The following KIAA0753 variants were observed in gnomAD, a reference collection of about 807,000 sequenced individuals.
KIAA0753 encodes the protein protein moonraker.
A neutral mutation model predicts 116.9 loss-of-function variants in KIAA0753; 114 were observed. That is an observed-to-expected ratio of 0.98 (90% CI 0.84 to 1.14). The LOEUF (loss-of-function observed/expected upper bound fraction) is 1.14, where lower values mean the gene tolerates loss of function less well. Among genes scored for constraint, KIAA0753 ranks in the 50% most tolerant of loss-of-function variants. KIAA0753 has a pLI of 0.00. For missense variants in KIAA0753, 1,156 were observed against 1,172.4 expected, an observed-to-expected ratio of 0.99 and a Z score of 0.20; for synonymous variants, 405 against 413.1, an observed-to-expected ratio of 0.98 and a Z score of 0.24.
rs143166475 is a variant in KIAA0753, at chr17:6,631,728, G to C, written c.94-2987C>G. Among the ~76,000 whole-genome samples, 67 of 152,230 alleles carry C rather than the reference G, an allele frequency of 4.4e-4. No individual in the cohort carries two copies. In the East Asian group the frequency reaches 9.8e-3, roughly 22 times the overall value. On this transcript the variant is annotated intron_variant, in intron 2 of 18. Transcript: ENST00000361413. ...TATTTCCTAGTTCTGTCCTCTGAGA[G>C]GGCCTAAAACAATGACATGATAGTA...
intron 7 of KIAA0753, among the ~76,000 whole-genome samples, chr17:6,618,097 G>A (rs573232781): frequency 7.6e-4 from 115 of 151,596 alleles, no homozygotes; most frequent in African/African-American, 2.5e-3. Context: ...AGCGAGACTC[G>A]GTCTCAAAAA....
At chr17:6,598,227 A>G (rs1031251441) in intron 14 of KIAA0753, among the ~76,000 whole-genome samples, 4 of 151,644 alleles carry the variant, frequency 2.6e-5, no homozygotes, top group African/African-American at 4.8e-5. Flanking sequence ...ATTCCTCTAG[A>G]AAAAAAAATA....
chr17:6,604,041 G>C (rs905972723), intron 12 of KIAA0753, among the ~76,000 whole-genome samples: 1 of 152,134 alleles, frequency 6.6e-6, no homozygotes, highest in African/African-American at 2.4e-5. Context: ...CTGCTGGTGG[G>C]AACAGACAGA....
intron 2 of KIAA0753, among the ~76,000 whole-genome samples, chr17:6,629,722 T>G (rs1007702604): frequency 6.6e-6 from 1 of 152,216 alleles, no homozygotes; most frequent in Non-Finnish European, 1.5e-5. Context: ...CCTCCCCTGC[T>G]CTCACAATCA....
chr17:6,581,667 T>C (rs186681802), intron 18 of KIAA0753, among the ~76,000 whole-genome samples: 10 of 152,362 alleles, frequency 6.6e-5, no homozygotes, highest in African/African-American at 2.4e-4. Context: ...CTTTCCCTTG[T>C]CTTTTACTTA....
At chr17:6,626,573 C>T (rs1024300890) in intron 3 of KIAA0753, among the ~76,000 whole-genome samples, 14 of 151,882 alleles carry the variant, frequency 9.2e-5, no homozygotes, top group Non-Finnish European at 1.2e-4. Flanking sequence ...TCCCATGCAG[C>T]GCCTGCAGCT....
intron 5 of KIAA0753, 124 bp downstream of exon 5, chr17:6,623,385 T>G: frequency 1.3e-6 from 1 of 774,324 alleles, no homozygotes; most frequent in Non-Finnish European, 2.1e-6. Flanking sequence ...GCTCACTCCC[T>G]CACTAACAGG....
intron 18 of KIAA0753, among the ~76,000 whole-genome samples, chr17:6,587,773 G>C (rs138539013): frequency 3.3e-5 from 5 of 152,174 alleles, no homozygotes; most frequent in African/African-American, 7.2e-5. Flanking sequence ...CTAAACACAA[G>C]TGATTATCCC....
At chr17:6,590,456 T>C in intron 17 of KIAA0753, 54 bp downstream of exon 17, 2 of 1,595,024 alleles carry the variant, frequency 1.3e-6, no homozygotes, top group African/African-American at 1.3e-5. Flanking sequence ...CAAAATCTAA[T>C]AACATCAAAG....
At chr17:6,585,826 T>C (rs73342604) in intron 18 of KIAA0753, among the ~76,000 whole-genome samples, 3,581 of 152,326 alleles carry the variant, frequency 0.024, 158 homozygotes, top group African/African-American at 0.081. Flanking sequence ...TCAGAGTGCT[T>C]ATCTGATATA....
At chr17:6,610,595 ACTGCAGCCTCAAACTC>A (rs1257281438) in intron 8 of KIAA0753, among the ~76,000 whole-genome samples, 1 of 134,894 alleles carries the variant, frequency 7.4e-6, no homozygotes, top group Non-Finnish European at 1.5e-5. Flanking sequence ...ATCATAGCTC[ACTGCAGCCTCAAACTC>A]CTGGGCTCAA....
intron 4 of KIAA0753, among the ~76,000 whole-genome samples, chr17:6,624,385 G>T (rs1456999591): frequency 6.6e-6 from 1 of 152,014 alleles, no homozygotes; most frequent in East Asian, 1.9e-4. Context: ...TAGGACCAAG[G>T]GTTCAGGGTA....
At position 6,639,561 on chromosome 17, in the gene KIAA0753, G is replaced by A. The variant is rs1172290658; in HGVS notation, c.-69+1076C>T. ...CCCTCCCAGCCTGTCCCTGTCCACA[G>A]AAGCCTAAGGCTCTCTCGTAAGCTG... is the stretch of plus-strand genomic sequence containing the variant. On this transcript the variant is annotated intron_variant, in intron 1 of 18. Transcript: ENST00000361413. This position sits in a 1 kb window ranked among gnomAD's most constrained non-coding sequence, Gnocchi z 4.3. 1 of 152,958 alleles carries A rather than the reference G, an allele frequency of 6.5e-6. No homozygotes were observed. The highest frequency in any genetic ancestry group is 1.5e-5 in the Non-Finnish European group (1 of 68,438). 9.5% of individuals were successfully genotyped at this position (152,958 alleles called of 1,614,324 possible).
chr17:6,620,371 AC>A (rs974036124), intron 7 of KIAA0753, among the ~76,000 whole-genome samples: 13 of 151,802 alleles, frequency 8.6e-5, no homozygotes, highest in East Asian at 5.8e-4. Flanking sequence ...TTATCACCTA[AC>A]AATTCCACTT....
At chr17:6,631,673 CATGT>C (rs1202934461) in intron 2 of KIAA0753, among the ~76,000 whole-genome samples, 4 of 152,130 alleles carry the variant, frequency 2.6e-5, no homozygotes, top group Non-Finnish European at 5.9e-5. Flanking sequence ...AATGTGTGTA[CATGT>C]ATGTATATGC....
Position 6,628,511 on chromosome 17 carries a change from C to A in KIAA0753, c.324G>T (p.Val108=). The A allele has an allele frequency of 1.2e-6, 2 of 1,614,188 alleles. No homozygotes were observed. Among genetic ancestry groups the A allele is most frequent in the Non-Finnish European group, 1.7e-6 (2 of 1,180,028 alleles). ...TATGTTTTTCAAATTGTCTTCGTTT[C>A]ACATCTCTTCTGGCTAGGTGGACAG... The part of the protein sequence containing the change: ...SYAVHLARRD[V]KRRQFEKHIK... Residue 108 remains valine (V), a synonymous_variant, in exon 3 of 19, where the codon GTG becomes GTT. Coordinates refer to ENST00000361413, the MANE Select transcript of KIAA0753 (RefSeq NM_014804.3).
intron 12 of KIAA0753, among the ~76,000 whole-genome samples, chr17:6,605,734 G>A (rs1413301650): frequency 1.3e-5 from 2 of 152,066 alleles, no homozygotes; most frequent in South Asian, 2.1e-4. Context: ...ATGCAACTGA[G>A]GAGGGATACA....
chr17:6,593,788 GCAA>G (rs1969263763), intron 16 of KIAA0753, among the ~76,000 whole-genome samples: 1 of 152,190 alleles, frequency 6.6e-6, no homozygotes, highest in African/African-American at 2.4e-5. Flanking sequence ...GGAGGCTGAG[GCAA>G]CAAGAATCGC....
intron 1 of KIAA0753, chr17:6,636,928 C>T (rs1220570637): frequency 6.6e-6 from 1 of 152,274 alleles, no homozygotes; most frequent in Non-Finnish European, 1.5e-5. Flanking sequence ...TATTTCCTCC[C>T]TTGAAACTGA....
Sources: allele counts gnomAD v4.1 joint callset (sites outside exome capture counted in the v4.1 genomes callset), GRCh38; gene constraint gnomAD v4.1.1; non-coding constraint Gnocchi (gnomAD v3.1); transcripts MANE v1.5; gene names NCBI Gene and HGNC (gene_info 2026-07-23, HGNC 2026-07-21).